TAB3: variants seen among roughly 807,000 people sequenced by gnomAD.
TAB3 encodes the protein TGF-beta-activated kinase 1 and MAP3K7-binding protein 3.
A neutral mutation model predicts 48.1 loss-of-function variants in TAB3; 18 were observed. The observed-to-expected ratio is 0.37, with a 90% CI of 0.26 to 0.55. The LOEUF (loss-of-function observed/expected upper bound fraction) is 0.55. Ranked by LOEUF, TAB3 falls within the 20% of genes least tolerant of loss-of-function variation. The probability of loss-of-function intolerance (pLI) is 0.78; values close to 1 mark genes in which losing one functional copy is unlikely to be tolerated. For synonymous variants in TAB3, 185 were observed against 190.2 expected (o/e 0.97, Z 0.22); for missense variants, 414 against 549.8 (o/e 0.75, Z 2.47).
intron 9 of TAB3, among the ~76,000 whole-genome samples, chrX:30,840,000 G>A (rs889383130): frequency 9.7e-6 from 1 of 103,068 alleles, no homozygotes; most frequent in East Asian, 3.0e-4. Flanking sequence ...CTTGTTTTCA[G>A]TTTGGGTAGA....
chrX:30,836,465 A>C (rs945557514), intron 9 of TAB3: 1 of 111,740 alleles, frequency 8.9e-6, no homozygotes, highest in Non-Finnish European at 1.9e-5. Flanking sequence ...ATATTTAAGA[A>C]ATTTTAACCG....
chrX:30,888,556 T>C (rs531838161), intron 1 of TAB3, among the ~76,000 whole-genome samples: 105 of 112,534 alleles, frequency 9.3e-4, no homozygotes, highest in South Asian at 1.5e-3. Context: ...TAATCTGTTG[T>C]TGGACCTCAG....
At chrX:30,874,508 T>C (rs994028489) in intron 1 of TAB3, among the ~76,000 whole-genome samples, 3 of 112,079 alleles carry the variant, frequency 2.7e-5, no homozygotes, top group Middle Eastern at 4.6e-3. Context: ...CATTTAGAAA[T>C]GTTCAAATAA....
chrX:30,831,785 G>A (rs752390370), intron 10 of TAB3, among the ~76,000 whole-genome samples: 4 of 111,827 alleles, frequency 3.6e-5, no homozygotes, highest in Non-Finnish European at 7.5e-5. Context: ...CTTTTTTTCT[G>A]CTATAAGAAG....
chrX:30,844,274 C>A (rs1249962851), intron 8 of TAB3: 1 of 111,999 alleles, frequency 8.9e-6, no homozygotes, highest in Non-Finnish European at 1.9e-5. Flanking sequence ...TTGTCCAATG[C>A]AGACAAAAAA....
intron 9 of TAB3, among the ~76,000 whole-genome samples, chrX:30,840,134 G>C (rs960037059): frequency 8.3e-5 from 9 of 108,837 alleles, no homozygotes; most frequent in Non-Finnish European, 1.5e-4. Context: ...ACTTTTGATT[G>C]TGGTAATTTG....
At chrX:30,840,878 A>G (rs1195613032) in intron 9 of TAB3, among the ~76,000 whole-genome samples, 1 of 111,985 alleles carries the variant, frequency 8.9e-6, no homozygotes, top group Non-Finnish European at 1.9e-5. Flanking sequence ...GCACTCCCTT[A>G]GACAGGGCAA....
At chrX:30,888,029 G>C (rs928913355) in intron 1 of TAB3, among the ~76,000 whole-genome samples, 3 of 111,611 alleles carry the variant, frequency 2.7e-5, no homozygotes, top group Non-Finnish European at 5.7e-5. Flanking sequence ...ACTTACCATG[G>C]GTGATGAGGC....
Position 30,854,680 on chromosome X carries a change from G to T in TAB3, c.985C>A (p.Pro329Thr). The stretch of plus-strand genomic sequence containing the variant: ...GGTCCTTGTTGATATGGATGGGGTG[G>T]AGTAGTTGAAGGACTAGGTGGCATA... ...IFMPPSPSTT[P>T]PHPYQQGPPS... The change falls in exon 6 of 11, where the codon CCA (proline) becomes ACA (threonine). Residue 329 changes from proline to threonine, a missense_variant. By Grantham distance (38) the Pro-to-Thr change is conservative. Transcript: ENST00000288422. The T allele has an allele frequency of 8.3e-7, 1 of 1,211,580 alleles. No individual in the cohort carries two copies.
intron 5 of TAB3, among the ~76,000 whole-genome samples, chrX:30,859,164 C>T (rs916779560): frequency 1.8e-5 from 2 of 111,357 alleles, no homozygotes; most frequent in Non-Finnish European, 3.8e-5. Flanking sequence ...GAGATTTTGC[C>T]TCCCATGAGA....
intron 9 of TAB3, among the ~76,000 whole-genome samples, chrX:30,842,312 G>T (rs1938477331): frequency 9.0e-6 from 1 of 111,497 alleles, no homozygotes; most frequent in Non-Finnish European, 1.9e-5. Context: ...GTATTCTTTT[G>T]TTGTCTGAAA....
intron 1 of TAB3, among the ~76,000 whole-genome samples, chrX:30,873,510 A>G (rs1394442910): frequency 1.1e-4 from 11 of 101,426 alleles, no homozygotes; most frequent in Admixed American, 3.1e-4. Context: ...GGGCGACAGA[A>G]CGAGACTCCG....
rs986843999 is a variant in TAB3 at position 30,881,612 on chromosome X, T to C, written c.-383+7502A>G. 1.6e-4 allele frequency among the ~76,000 whole-genome samples: 18 copies of C among 111,865 alleles called. No individual in the cohort carries two copies. In the Admixed American group the frequency reaches 1.7e-3, roughly 11 times the overall value. On this transcript the variant is annotated intron_variant, in intron 1 of 10. Transcript: ENST00000288422. ...TTATATCTAGACTTAGTGACTAGTG[T>C]TGATTCATAAAGATTTCAGATAAGC...
In TAB3 at chrX:30,871,763, C is replaced by A. The variant is rs748273925; in HGVS notation, c.-344G>T. 8.9e-6 allele frequency: 1 copy of A among 111,758 alleles called. No individual in the cohort carries two copies. The highest frequency in any genetic ancestry group is 3.7e-4 in the South Asian group (1 of 2,673). 9.2% of individuals were successfully genotyped at this position (111,758 alleles called of 1,213,427 possible). A position where few individuals can be genotyped will look rare whatever the true frequency, so the allele number is the denominator to read the frequency against. Reference sequence around the variant, plus strand: ...TCATCCAGTTTGACACAACACAATCCACGGTCAAAAACTTGAAGAAAAGGC... The same window carrying A: ...TCATCCAGTTTGACACAACACAATCAACGGTCAAAAACTTGAAGAAAAGGC... On this transcript the variant is annotated 5_prime_UTR_variant, in exon 2 of 11. Transcript: ENST00000288422.
intron 3 of TAB3, 90 bp from the exon 4 acceptor site, chrX:30,867,308 T>A (rs1402501202): frequency 8.9e-6 from 1 of 112,329 alleles, no homozygotes; most frequent in African/African-American, 3.2e-5. Flanking sequence ...ATTGGTTCAC[T>A]AATTGTAACA....
In TAB3 at chrX:30,868,586, TAG is replaced by T. The variant is rs1306064666; in HGVS notation, c.-279-1039_-279-1038del. On this transcript the variant is annotated intron_variant, in intron 2 of 10. Transcript: ENST00000288422. ...TATAGCTTATATATATATATATATA[TAG>T]AGAGAGAGAGAGAGAGAGAGAGAGA... 0.017 allele frequency among the ~76,000 whole-genome samples: 148 copies of T among 8,754 alleles called. 18 individuals are homozygous for T. In the East Asian group the frequency reaches 0.18, roughly 11 times the overall value. 7.6% of individuals were successfully genotyped at this position (8,754 alleles called of 115,157 possible).
chrX:30,839,756 C>T (rs867824293), intron 9 of TAB3, among the ~76,000 whole-genome samples: 3 of 109,008 alleles, frequency 2.8e-5, no homozygotes, highest in Non-Finnish European at 5.7e-5. Flanking sequence ...ATACGGGAAG[C>T]GTTCCCTCCT....
At chrX:30,844,723 T>C (rs1183398736) in intron 8 of TAB3, 5 of 112,571 alleles carry the variant, frequency 4.4e-5, no homozygotes, top group African/African-American at 1.3e-4. Flanking sequence ...ACTTTAAGGG[T>C]ACCTGACTAG....
In TAB3 at chrX:30,854,375, T is replaced by C; in HGVS notation, c.1290A>G (p.Thr430=). The C allele has an allele frequency of 8.3e-7, 1 of 1,211,877 alleles. No homozygotes were observed. The highest frequency in any genetic ancestry group is 1.1e-6 in the Non-Finnish European group (1 of 895,502). The change falls in exon 6 of 11, where the codon ACA becomes ACG. Residue 430 remains threonine, a synonymous_variant. Transcript: ENST00000288422. ...PPFSVNPVYI[T]YTQPTGPSCT... ...AAGAAGGTCCAGTTGGCTGTGTATA[T>C]GTAATATACACAGGATTAACACTAA...
Sources: gnomAD v4.1 joint callset for allele counts (sites outside exome capture counted in the v4.1 genomes callset) on GRCh38, gnomAD v4.1.1 for gene constraint, MANE v1.5 for transcripts, NCBI Gene and HGNC (gene_info 2026-07-23, HGNC 2026-07-21) for gene names.